Variants in BPIFC observed in about 807,000 individuals in gnomAD.
BPIFC encodes BPI fold containing family C.
BPIFC carries 60 observed loss-of-function variants against 57.6 expected under a neutral mutation model. That is an observed-to-expected ratio of 1.04 (90% CI 0.85 to 1.29). The LOEUF (loss-of-function observed/expected upper bound fraction) is 1.29. Ranked by LOEUF, BPIFC falls within the 50% of genes most tolerant of loss-of-function variation. BPIFC has a pLI of 0.00. For synonymous variants in BPIFC, 243 were observed against 224.5 expected, an observed-to-expected ratio of 1.08 and a Z score of -0.74; for missense variants, 581 against 600.5, an observed-to-expected ratio of 0.97 and a Z score of 0.34.
At chr22:32,455,279 G>A (rs1284915776) in intron 3 of BPIFC, among the ~76,000 whole-genome samples, 2 of 151,890 alleles carry the variant, frequency 1.3e-5, no homozygotes, top group Non-Finnish European at 2.9e-5. Context: ...TCGATCTCTT[G>A]ACCTCGTGAT....
intron 4 of BPIFC, among the ~76,000 whole-genome samples, chr22:32,448,101 C>T (rs1934781083): frequency 6.7e-6 from 1 of 149,796 alleles, no homozygotes; most frequent in South Asian, 2.1e-4. Flanking sequence ...CAGAGTCTCG[C>T]TCTGTCACCC....
chr22:32,448,821 C>G (rs1934806767), intron 4 of BPIFC, among the ~76,000 whole-genome samples: 1 of 149,800 alleles, frequency 6.7e-6, no homozygotes, highest in Non-Finnish European at 1.5e-5. Flanking sequence ...GCCTGTAGTC[C>G]CAGCTACTTG....
chr22:32,414,405 G>C lies in BPIFC; in HGVS notation c.1422C>G (p.Thr474=). The change falls in exon 17 of 17, where the codon ACC becomes ACG. Residue 474 remains threonine (T), a synonymous_variant. Coordinates refer to ENST00000300399, the MANE Select transcript of BPIFC (RefSeq NM_174932.3). ...TTGAGGATGTTTCATACTTCAGGTCGGTGGAAATCAAAAGGAAACCCTGGA... is the reference window on the plus strand; with the variant it reads ...TTGAGGATGTTTCATACTTCAGGTCCGTGGAAATCAAAAGGAAACCCTGGA... ...EVLEGFLLIS[T]DLKYETSSKQ... 6.2e-7 allele frequency: 1 copy of C among 1,613,714 alleles called. No individual in the cohort carries two copies. The highest frequency in any genetic ancestry group is 1.3e-5 in the African/African-American group (1 of 74,996).
intron 16 of BPIFC, among the ~76,000 whole-genome samples, chr22:32,414,774 C>T (rs937890851): frequency 3.3e-5 from 5 of 152,176 alleles, no homozygotes; most frequent in African/African-American, 9.7e-5. Context: ...GCTAGGATTA[C>T]AAGCATGAGC....
chr22:32,456,680 C>T (rs1456156962), intron 3 of BPIFC, among the ~76,000 whole-genome samples: 2 of 152,044 alleles, frequency 1.3e-5, no homozygotes, highest in African/African-American at 2.4e-5. Context: ...GCAGTCCATT[C>T]CCTCTCCACA....
At chr22:32,436,196 A>G (rs1359824908) in intron 9 of BPIFC, among the ~76,000 whole-genome samples, 1 of 152,132 alleles carries the variant, frequency 6.6e-6, no homozygotes, top group Non-Finnish European at 1.5e-5. Context: ...TGGGAGGCTG[A>G]GTGAGGTGAA....
intron 12 of BPIFC, among the ~76,000 whole-genome samples, 194 bp downstream of exon 12, chr22:32,432,179 C>T (rs562291935): frequency 6.6e-6 from 1 of 152,116 alleles, no homozygotes; most frequent in South Asian, 2.1e-4. Flanking sequence ...CTCCTGGCCT[C>T]AAGCAATCTT....
intron 9 of BPIFC, 64 bp downstream of exon 9, chr22:32,437,696 T>G: frequency 2.4e-6 from 3 of 1,242,014 alleles, no homozygotes; most frequent in Non-Finnish European, 3.5e-6. Context: ...CAGTCCATAA[T>G]CATTGTTTTC....
At chr22:32,425,278 C>T (rs972562006) in intron 13 of BPIFC, among the ~76,000 whole-genome samples, 8 of 152,198 alleles carry the variant, frequency 5.3e-5, no homozygotes, top group South Asian at 2.1e-4. Context: ...CCTCTAGGAC[C>T]GTTCATTTAA....
In BPIFC at chr22:32,414,423, A is replaced by G. The variant is rs1488753492; in HGVS notation, c.1404T>C (p.Gly468=). The change falls in exon 17 of 17, where the codon GGT becomes GGC. Residue 468 remains glycine, a splice_region_variant and synonymous_variant. Coordinates refer to ENST00000300399, the MANE Select transcript of BPIFC (RefSeq NM_174932.3). Reference sequence around the variant, plus strand: ...TCAGGTCGGTGGAAATCAAAAGGAAACCCTGGAAAGGATGTGACAATGAAG... The same window carrying G: ...TCAGGTCGGTGGAAATCAAAAGGAAGCCCTGGAAAGGATGTGACAATGAAG... ...FVNSDIEVLE[G]FLLISTDLKY... The G allele has an allele frequency of 6.2e-7, 1 of 1,613,296 alleles. No homozygotes were observed.
At chr22:32,423,324 G>C (rs994135809) in intron 13 of BPIFC, among the ~76,000 whole-genome samples, 1 of 152,146 alleles carries the variant, frequency 6.6e-6, no homozygotes. Context: ...CTTCCATTTG[G>C]GGTTTCCTCC....
In BPIFC at chr22:32,432,558, A is replaced by C; in HGVS notation, c.979-15T>G. On this transcript the variant is annotated splice_polypyrimidine_tract_variant and intron_variant, in intron 11 of 16. Transcript: ENST00000300399. ...ATCTCTGCAATCTGCCCACATTCCG[A>C]GAAAGAAATAAAGATTGTGAGGCGT... is the stretch of plus-strand genomic sequence containing the variant. 6.2e-7 allele frequency: 1 copy of C among 1,612,304 alleles called. No individual in the cohort carries two copies. The highest frequency in any genetic ancestry group is 8.5e-7 in the Non-Finnish European group (1 of 1,178,572).
At chr22:32,450,814 A>C (rs914285818) in intron 4 of BPIFC, among the ~76,000 whole-genome samples, 17 of 152,136 alleles carry the variant, frequency 1.1e-4, no homozygotes, top group African/African-American at 3.6e-4. Context: ...GTATAAAGCA[A>C]ATATTCCAAA....
intron 14 of BPIFC, among the ~76,000 whole-genome samples, chr22:32,418,991 A>T (rs1196773622): frequency 6.6e-6 from 1 of 151,936 alleles, no homozygotes; most frequent in Non-Finnish European, 1.5e-5. Context: ...TCATGGCTTA[A>T]TAATTTACAT....
intron 13 of BPIFC, among the ~76,000 whole-genome samples, chr22:32,421,238 A>G (rs186094685): frequency 6.6e-6 from 1 of 152,300 alleles, no homozygotes; most frequent in Admixed American, 6.5e-5. Context: ...CCCAATATAC[A>G]CAGTTGATTT....
chr22:32,461,143 G>A (rs1935151027), intron 2 of BPIFC, among the ~76,000 whole-genome samples: 1 of 152,102 alleles, frequency 6.6e-6, no homozygotes, highest in South Asian at 2.1e-4. Flanking sequence ...AGTAGTTGGG[G>A]GCACTGGGAA....
intron 3 of BPIFC, among the ~76,000 whole-genome samples, chr22:32,454,269 T>C (rs543174875): frequency 1.4e-4 from 22 of 152,334 alleles, no homozygotes; most frequent in African/African-American, 4.8e-4. Flanking sequence ...CTCAAGAATT[T>C]TTGGCCTGTG....
At chr22:32,422,983 C>T (rs931518961) in intron 13 of BPIFC, among the ~76,000 whole-genome samples, 2 of 152,182 alleles carry the variant, frequency 1.3e-5, no homozygotes, top group Non-Finnish European at 2.9e-5. Flanking sequence ...TCAGTAAATT[C>T]TTACTGAATG....
At chr22:32,423,932 T>A (rs1288164702) in intron 13 of BPIFC, among the ~76,000 whole-genome samples, 2 of 129,040 alleles carry the variant, frequency 1.5e-5, no homozygotes, top group Non-Finnish European at 3.8e-5. Context: ...GAGCAGTGAG[T>A]CTGGTTTAAA....
Sources: allele counts gnomAD v4.1 joint callset (sites outside exome capture counted in the v4.1 genomes callset), GRCh38; gene constraint gnomAD v4.1.1; transcripts MANE v1.5; gene names NCBI Gene and HGNC (gene_info 2026-07-23, HGNC 2026-07-21).